Variants in SCYL3 observed in about 807,000 individuals in gnomAD.
SCYL3 encodes the protein protein-associating with the carboxyl-terminal domain of ezrin.
A neutral mutation model predicts 73.8 loss-of-function variants in SCYL3; 35 were observed. That is an observed-to-expected ratio of 0.47 (90% CI 0.36 to 0.63). The LOEUF is 0.63. Among genes scored for constraint, SCYL3 ranks in the 20% least tolerant of loss-of-function variants. The pLI, the probability that SCYL3 is intolerant of heterozygous loss-of-function variation, is 0.00. For synonymous variants in SCYL3, 277 were observed against 295.2 expected (o/e 0.94, Z 0.63); for missense variants, 712 against 798.9 (o/e 0.89, Z 1.31).
intron 10 of SCYL3, among the ~76,000 whole-genome samples, chr1:169,860,759 G>A (rs1247789800): frequency 6.6e-6 from 1 of 152,182 alleles, no homozygotes; most frequent in Non-Finnish European, 1.5e-5. Context: ...GAGAAACTGA[G>A]TACTACCCCT....
chr1:169,878,147 T>G (rs955642057), intron 3 of SCYL3, among the ~76,000 whole-genome samples: 1 of 152,176 alleles, frequency 6.6e-6, no homozygotes, highest in Non-Finnish European at 1.5e-5. Context: ...TAAGAGGCTG[T>G]CTCTCAATTG....
chr1:169,867,535 A>G (rs1047860355), intron 7 of SCYL3, among the ~76,000 whole-genome samples: 2 of 152,188 alleles, frequency 1.3e-5, no homozygotes, highest in Non-Finnish European at 2.9e-5. Flanking sequence ...CCTACTGTAT[A>G]TGAGACTGTT....
intron 2 of SCYL3, among the ~76,000 whole-genome samples, chr1:169,884,573 T>C (rs75327181): frequency 0.066 from 10,026 of 152,260 alleles, 430 homozygotes; most frequent in Non-Finnish European, 0.1. Flanking sequence ...GCTGGACTTA[T>C]AGGCATGAGC....
At position 169,853,203 on chromosome 1, in the gene SCYL3, C is replaced by T. The variant is rs1434600495; in HGVS notation, c.*510G>A. 1.8e-6 allele frequency: 1 copy of T among 563,752 alleles called. No individual in the cohort carries two copies. Among genetic ancestry groups the T allele is most frequent in the Admixed American group, 3.2e-5 (1 of 31,504 alleles). 34.9% of individuals were successfully genotyped at this position (563,752 alleles called of 1,614,324 possible). A position where few individuals can be genotyped will look rare whatever the true frequency, so the allele number is the denominator to read the frequency against. On this transcript the variant is annotated 3_prime_UTR_variant, in exon 13 of 13. Transcript: ENST00000367771. ...GGAACAGTCAGGAACTGCCTAGGTC[C>T]ACAAAGAACCATTTACTCAGATAGT...
chr1:169,893,831 G>A lies in SCYL3; in HGVS notation c.-94C>T, dbSNP rs1177364363. On this transcript the variant is annotated 5_prime_UTR_variant, in exon 1 of 13. Transcript: ENST00000367771. Reference sequence around the variant, plus strand: ...GGAGGAGGCCGAGGGTCTTGGCTCTGGTACCCTGTTGGCCCCCCTGTTGAC... The same window carrying A: ...GGAGGAGGCCGAGGGTCTTGGCTCTAGTACCCTGTTGGCCCCCCTGTTGAC... The A allele has an allele frequency of 6.5e-6, 1 of 153,540 alleles. No homozygotes were observed. The highest frequency in any genetic ancestry group is 2.4e-5 in the African/African-American group (1 of 41,486). 9.5% of individuals were successfully genotyped at this position (153,540 alleles called of 1,614,324 possible). A position where few individuals can be genotyped will look rare whatever the true frequency, so the allele number is the denominator to read the frequency against.
chr1:169,887,384 G>A (rs780420778), intron 2 of SCYL3, among the ~76,000 whole-genome samples: 7 of 151,854 alleles, frequency 4.6e-5, no homozygotes, highest in South Asian at 2.1e-4. Flanking sequence ...TTCTTGGTAC[G>A]TGCACCATAA....
rs999395511 is a variant in SCYL3 at position 169,878,736 on chromosome 1, C to G, written c.249G>C (p.Glu83Asp). 1.2e-6 allele frequency: 2 copies of G among 1,614,166 alleles called. No homozygotes were observed. Among genetic ancestry groups the G allele is most frequent in the East Asian group, 2.2e-5 (1 of 44,876 alleles). The change falls in exon 3 of 13, where the codon GAG (glutamate) becomes GAC (aspartate). Residue 83 changes from glutamate (E) to aspartate (D), a missense_variant. Around this residue, in one of 2 missense-constraint regions of SCYL3, gnomAD observed 342 missense variants for 448.1 expected, o/e 0.76. Transcript: ENST00000367771. ...VEADGIHLVTERVQPLEVALE... is the reference protein window; with the variant it reads ...VEADGIHLVTDRVQPLEVALE... ...AAGCCACTTCCAGGGGCTGTACTCG[C>G]TCAGTGACAAGATGAATGCCATCCG...
chr1:169,881,672 T>C (rs540960814), intron 2 of SCYL3, among the ~76,000 whole-genome samples: 1 of 152,318 alleles, frequency 6.6e-6, no homozygotes, highest in East Asian at 1.9e-4. Context: ...AGATTCCACA[T>C]GAGTGAGATC....
At chr1:169,854,132 G>T in intron 12 of SCYL3, 138 bp downstream of exon 12, 1 of 682,256 alleles carries the variant, frequency 1.5e-6, no homozygotes, top group Non-Finnish European at 2.3e-6. Context: ...ACCAATGATA[G>T]AAACTGATTT....
chr1:169,879,333 C>T (rs1237537523), intron 2 of SCYL3, among the ~76,000 whole-genome samples: 1 of 152,142 alleles, frequency 6.6e-6, no homozygotes, highest in Non-Finnish European at 1.5e-5. Context: ...GCTGAAAGAA[C>T]GATAGAAAAG....
intron 8 of SCYL3, among the ~76,000 whole-genome samples, chr1:169,865,832 C>G (rs1218483845): frequency 6.6e-6 from 1 of 152,120 alleles, no homozygotes; most frequent in Non-Finnish European, 1.5e-5. Context: ...AATATCATAG[C>G]CTTCCTAGCT....
intron 1 of SCYL3, among the ~76,000 whole-genome samples, chr1:169,890,534 T>C (rs904534752): frequency 6.6e-6 from 1 of 152,182 alleles, no homozygotes; most frequent in African/African-American, 2.4e-5. Flanking sequence ...TGAAATTCCA[T>C]ACAACACCTT....
At chr1:169,893,506 G>A (rs949895938) in intron 1 of SCYL3, among the ~76,000 whole-genome samples, 1 of 152,096 alleles carries the variant, frequency 6.6e-6, no homozygotes, top group African/African-American at 2.4e-5. Flanking sequence ...GACCGACTCC[G>A]CGGCCGCCTT....
chr1:169,868,958 A>G lies in SCYL3; in HGVS notation c.707T>C (p.Leu236Pro). The part of the protein sequence containing the change: ...LNPIPKCRPA[L>P]CTLLSHDFFR... Reference sequence around the variant, plus strand: ...GAAGTCATGAGATAGTAAGGTGCAGAGCGCTGGCCGACATTTTGGAATGGG... The same window carrying G: ...GAAGTCATGAGATAGTAAGGTGCAGGGCGCTGGCCGACATTTTGGAATGGG... The change falls in exon 7 of 13, where the codon CTC (leucine) becomes CCC (proline). Residue 236 changes from leucine (L) to proline (P), a missense_variant. By Grantham distance (98) the Leu-to-Pro change is moderately conservative (BLOSUM62 -3). This residue lies in a region of SCYL3 where 342 missense variants were observed against 448.1 expected (regional missense o/e 0.76). Coordinates refer to ENST00000367771, the MANE Select transcript of SCYL3 (RefSeq NM_020423.7). 6.2e-7 allele frequency: 1 copy of G among 1,614,120 alleles called. No homozygotes were observed. Among genetic ancestry groups the G allele is most frequent in the Non-Finnish European group, 8.5e-7 (1 of 1,179,968 alleles).
intron 8 of SCYL3, among the ~76,000 whole-genome samples, chr1:169,865,153 A>G (rs1418663313): frequency 6.6e-6 from 1 of 152,180 alleles, no homozygotes; most frequent in Non-Finnish European, 1.5e-5. Context: ...TAAACAATGT[A>G]GAAAGCTTCC....
chr1:169,891,220 A>G (rs1185742846), intron 1 of SCYL3, among the ~76,000 whole-genome samples: 1 of 152,238 alleles, frequency 6.6e-6, no homozygotes, highest in East Asian at 1.9e-4. Flanking sequence ...ACATGAAGTC[A>G]GAAACTTTCC....
chr1:169,884,853 A>G (rs1661566198), intron 2 of SCYL3, among the ~76,000 whole-genome samples: 1 of 152,160 alleles, frequency 6.6e-6, no homozygotes, highest in Admixed American at 6.5e-5. Flanking sequence ...CTTATTTCTC[A>G]CTCTCCTTTG....
chr1:169,859,001 A>C (rs749457183), intron 11 of SCYL3, 40 bp downstream of exon 11: 189 of 1,580,806 alleles, frequency 1.2e-4, no homozygotes, highest in Non-Finnish European at 1.5e-4. Context: ...AAATCTAAAA[A>C]AATGACACAC....
chr1:169,874,482 G>A (rs12145458), intron 4 of SCYL3, among the ~76,000 whole-genome samples: 10,138 of 152,254 alleles, frequency 0.067, 432 homozygotes, highest in Non-Finnish European at 0.099. Flanking sequence ...CCAGATCTTA[G>A]ATGAGTTCAC....
Sources: allele counts gnomAD v4.1 joint callset (sites outside exome capture counted in the v4.1 genomes callset), GRCh38; gene constraint gnomAD v4.1.1; regional missense constraint gnomAD v4.1.1; transcripts MANE v1.5; gene names NCBI Gene and HGNC (gene_info 2026-07-23, HGNC 2026-07-21).